LMBR1: variants seen among roughly 807,000 people sequenced by gnomAD.
The protein encoded by LMBR1 is limb development membrane protein 1.
LMBR1 carries 52 observed loss-of-function variants against 73.9 expected under a neutral mutation model. That is an observed-to-expected ratio of 0.70 (90% CI 0.56 to 0.89). LMBR1 has a LOEUF of 0.89. Ranked by LOEUF, LMBR1 falls within the 40% of genes least tolerant of loss-of-function variation. The probability of loss-of-function intolerance (pLI) is 0.00; values close to 1 mark genes in which losing one functional copy is unlikely to be tolerated. For synonymous variants in LMBR1, 215 were observed against 209.4 expected (o/e 1.03, Z -0.23); for missense variants, 539 against 579.8 (o/e 0.93, Z 0.72).
intron 9 of LMBR1, among the ~76,000 whole-genome samples, chr7:156,736,192 A>G (rs1817832677): frequency 1.3e-5 from 2 of 152,192 alleles, no homozygotes; most frequent in South Asian, 4.1e-4. Flanking sequence ...CAGTTCTGCC[A>G]ATCTCATCTA....
intron 15 of LMBR1, among the ~76,000 whole-genome samples, chr7:156,723,355 C>G (rs896706641): frequency 4.6e-5 from 7 of 152,068 alleles, no homozygotes; most frequent in Non-Finnish European, 1.0e-4. Flanking sequence ...ATTTAATGAT[C>G]AAAATTTTCC....
chr7:156,819,209 A>G (rs1051446095), intron 4 of LMBR1, among the ~76,000 whole-genome samples: 6 of 152,244 alleles, frequency 3.9e-5, no homozygotes, highest in Admixed American at 1.3e-4. Flanking sequence ...GTAAAGTAGC[A>G]TTCCAAGGTA....
intron 8 of LMBR1, among the ~76,000 whole-genome samples, chr7:156,758,540 G>A (rs1326986775): frequency 7.9e-5 from 12 of 152,088 alleles, no homozygotes; most frequent in Non-Finnish European, 1.6e-4. Context: ...CCGATTTGGT[G>A]CTGTCCACAC....
chr7:156,727,412 G>A (rs539405955), intron 12 of LMBR1, among the ~76,000 whole-genome samples: 2 of 152,242 alleles, frequency 1.3e-5, no homozygotes, highest in South Asian at 2.1e-4. Flanking sequence ...TATAGTAAGC[G>A]ACTTCCTGTT....
chr7:156,868,913 C>T (rs1202838828), intron 1 of LMBR1, among the ~76,000 whole-genome samples: 1 of 152,120 alleles, frequency 6.6e-6, no homozygotes, highest in Non-Finnish European at 1.5e-5. Context: ...TGCAGTGAGC[C>T]ATGATCGCAC....
At chr7:156,755,329 GA>G (rs1821668001) in intron 9 of LMBR1, among the ~76,000 whole-genome samples, 1 of 152,344 alleles carries the variant, frequency 6.6e-6, no homozygotes, top group Admixed American at 6.5e-5. Context: ...GGGAAAGTGA[GA>G]AAGGCTGTAT....
intron 4 of LMBR1, among the ~76,000 whole-genome samples, chr7:156,802,350 C>T (rs1433336794): frequency 6.6e-6 from 1 of 152,174 alleles, no homozygotes; most frequent in African/African-American, 2.4e-5. Flanking sequence ...ATCAAAGGTC[C>T]ATGAGGCATG....
chr7:156,714,235 T>C (rs1812710720), intron 15 of LMBR1, among the ~76,000 whole-genome samples: 2 of 152,204 alleles, frequency 1.3e-5, no homozygotes, highest in Admixed American at 1.3e-4. Flanking sequence ...TTGGATAGAA[T>C]GTGATAAGTG....
chr7:156,829,333 C>T (rs1836256368), intron 3 of LMBR1, among the ~76,000 whole-genome samples: 1 of 152,138 alleles, frequency 6.6e-6, no homozygotes, highest in Admixed American at 6.5e-5. Flanking sequence ...AAATGTGATC[C>T]CCCAGTGTTG....
intron 5 of LMBR1, among the ~76,000 whole-genome samples, chr7:156,770,849 G>A (rs188240573): frequency 1.2e-4 from 19 of 152,256 alleles, no homozygotes; most frequent in South Asian, 1.2e-3. Flanking sequence ...AGGAGTTTGA[G>A]GTTACAGTGA....
chr7:156,891,215 T>A (rs796479794), intron 1 of LMBR1, among the ~76,000 whole-genome samples: 10,843 of 44,920 alleles, frequency 0.24, 1,593 homozygotes, highest in Middle Eastern at 0.29. Context: ...AAAAAAAATA[T>A]ATATATATAT....
intron 15 of LMBR1, among the ~76,000 whole-genome samples, chr7:156,718,163 G>T (rs1813634857): frequency 6.6e-6 from 1 of 152,124 alleles, no homozygotes; most frequent in Non-Finnish European, 1.5e-5. Context: ...ACTTTGGGAG[G>T]CCAAGGCGGG....
chr7:156,815,335 T>A (rs143566094), intron 4 of LMBR1, among the ~76,000 whole-genome samples: 6 of 151,938 alleles, frequency 3.9e-5, no homozygotes, highest in Non-Finnish European at 7.4e-5. Flanking sequence ...GCAAAACCTA[T>A]ATACATAGGT....
intron 5 of LMBR1, among the ~76,000 whole-genome samples, chr7:156,786,251 G>C (rs1828074826): frequency 7.0e-6 from 1 of 142,880 alleles, no homozygotes; most frequent in Admixed American, 7.0e-5. Flanking sequence ...GAGGAAGGAG[G>C]AAGGAGGAAG....
intron 1 of LMBR1, among the ~76,000 whole-genome samples, chr7:156,868,195 C>CTTT (rs537282265): frequency 2.9e-5 from 4 of 138,692 alleles, no homozygotes. Flanking sequence ...AGGAGATTTT[C>CTTT]TTTTTTTTTT....
chr7:156,748,843 T>C (rs923412978), intron 9 of LMBR1, among the ~76,000 whole-genome samples: 2 of 152,204 alleles, frequency 1.3e-5, no homozygotes, highest in African/African-American at 4.8e-5. Context: ...TCATAAAATA[T>C]ATGATATTTA....
intron 5 of LMBR1, among the ~76,000 whole-genome samples, chr7:156,794,388 T>G (rs193136845): frequency 2.9e-4 from 44 of 152,360 alleles, no homozygotes; most frequent in African/African-American, 9.4e-4. Flanking sequence ...ATTCTCCCTT[T>G]GACCTTAAGT....
intron 5 of LMBR1, among the ~76,000 whole-genome samples, chr7:156,768,704 T>C (rs1324119192): frequency 6.6e-6 from 1 of 152,186 alleles, no homozygotes; most frequent in African/African-American, 2.4e-5. Context: ...CCAGGCAGGT[T>C]GAGCTCTGGA....
chr7:156,876,998 A>C (rs192947528), intron 1 of LMBR1, among the ~76,000 whole-genome samples: 49 of 152,266 alleles, frequency 3.2e-4, no homozygotes, highest in South Asian at 1.5e-3. Flanking sequence ...AACTGAAACA[A>C]ACAAACAAAA....
Sources: allele counts gnomAD v4.1 joint callset (sites outside exome capture counted in the v4.1 genomes callset), GRCh38; gene constraint gnomAD v4.1.1; transcripts MANE v1.5; gene names NCBI Gene and HGNC (gene_info 2026-07-23, HGNC 2026-07-21).